Variants in ZDHHC14 observed in about 807,000 individuals in gnomAD.
ZDHHC14 encodes the protein zDHHC palmitoyltransferase 14.
In ZDHHC14, 16 loss-of-function variants were observed where a neutral mutation model predicts 47.7. That is an observed-to-expected ratio of 0.34 (90% CI 0.23 to 0.51). ZDHHC14 has a LOEUF of 0.51. Among genes scored for constraint, ZDHHC14 ranks in the 20% least tolerant of loss-of-function variants. ZDHHC14 has a pLI of 0.97. For missense variants in ZDHHC14, 515 were observed against 662.5 expected (o/e 0.78, Z 2.44); for synonymous variants, 293 against 278.9 (o/e 1.05, Z -0.50).
intron 1 of ZDHHC14, among the ~76,000 whole-genome samples, chr6:157,405,929 C>T (rs1777749795): frequency 6.6e-6 from 1 of 152,182 alleles, no homozygotes; most frequent in African/African-American, 2.4e-5. Flanking sequence ...ATGGGGAATT[C>T]TGGATGGTTA....
At chr6:157,543,845 T>C (rs1781862722) in intron 2 of ZDHHC14, among the ~76,000 whole-genome samples, 1 of 152,204 alleles carries the variant, frequency 6.6e-6, no homozygotes. Flanking sequence ...GCAGACAATC[T>C]CTTTCTTAGC....
chr6:157,605,689 C>T (rs1357108113), intron 3 of ZDHHC14, among the ~76,000 whole-genome samples: 1 of 152,148 alleles, frequency 6.6e-6, no homozygotes, highest in Non-Finnish European at 1.5e-5. Context: ...CAGCAGGTGA[C>T]AAGTCAGATT....
At chr6:157,532,179 T>C (rs542644225) in intron 1 of ZDHHC14, among the ~76,000 whole-genome samples, 1 of 152,326 alleles carries the variant, frequency 6.6e-6, no homozygotes, top group Non-Finnish European at 1.5e-5. Context: ...CCCCAGGGCC[T>C]TGGGATGGGA....
At chr6:157,416,713 G>A (rs1777980326) in intron 1 of ZDHHC14, among the ~76,000 whole-genome samples, 1 of 144,464 alleles carries the variant, frequency 6.9e-6, no homozygotes, top group African/African-American at 2.5e-5. Context: ...CGTAGTACAT[G>A]CTATGGTAAA....
chr6:157,630,765 A>T (rs1479737348), intron 4 of ZDHHC14: 1 of 149,182 alleles, frequency 6.7e-6, no homozygotes. Context: ...GCCCACACAC[A>T]CCCTTACACA....
At chr6:157,518,687 T>C (rs1039606907) in intron 1 of ZDHHC14, among the ~76,000 whole-genome samples, 14 of 140,538 alleles carry the variant, frequency 1.0e-4, no homozygotes, top group African/African-American at 3.6e-4. Flanking sequence ...ATTTTTCCAG[T>C]TGTTTCACGT....
chr6:157,389,632 A>G (rs1231686590), intron 1 of ZDHHC14, among the ~76,000 whole-genome samples: 2 of 152,256 alleles, frequency 1.3e-5, no homozygotes, highest in East Asian at 3.9e-4. Flanking sequence ...GTCTTAGGCT[A>G]TGTTTCTTTG....
intron 1 of ZDHHC14, among the ~76,000 whole-genome samples, chr6:157,508,290 C>T (rs74697843): frequency 0.026 from 3,940 of 152,212 alleles, 243 homozygotes; most frequent in Admixed American, 0.15. Flanking sequence ...TAATTTTCCT[C>T]CCCATTATTA....
intron 1 of ZDHHC14, among the ~76,000 whole-genome samples, chr6:157,496,954 T>A (rs958360173): frequency 6.6e-6 from 1 of 152,128 alleles, no homozygotes; most frequent in African/African-American, 2.4e-5. Context: ...GTGAACACAG[T>A]CACATGAAAT....
At chr6:157,611,270 G>A (rs1784740159) in intron 3 of ZDHHC14, among the ~76,000 whole-genome samples, 1 of 152,152 alleles carries the variant, frequency 6.6e-6, no homozygotes, top group African/African-American at 2.4e-5. Flanking sequence ...AAAGTGCTGG[G>A]ATTACAGTCA....
At chr6:157,410,163 C>T (rs1446665870) in intron 1 of ZDHHC14, among the ~76,000 whole-genome samples, 1 of 152,244 alleles carries the variant, frequency 6.6e-6, no homozygotes, top group Non-Finnish European at 1.5e-5. Context: ...ACTTCCCAGA[C>T]TGTCCTTTCC....
At chr6:157,545,208 G>C (rs1286700801) in intron 2 of ZDHHC14, among the ~76,000 whole-genome samples, 3 of 151,724 alleles carry the variant, frequency 2.0e-5, no homozygotes, top group African/African-American at 7.3e-5. Context: ...GGGTAGGAGT[G>C]CAGGTTAACT....
chr6:157,437,777 T>C lies in ZDHHC14; in HGVS notation c.245+55511T>C, dbSNP rs576787004. Among the ~76,000 whole-genome samples, 21 of 152,290 alleles carry C rather than the reference T, an allele frequency of 1.4e-4. No homozygotes were observed. In the South Asian group the frequency reaches 2.9e-3, roughly 21 times the overall value. On this transcript the variant is annotated intron_variant, in intron 1 of 8. Transcript: ENST00000359775. ...TATATTTAAAACCAAAAAATATAGC[T>C]CTATGTGTGCTGTGATTCATTCTTC...
Position 157,411,121 on chromosome 6 carries a change from C to T in ZDHHC14, c.245+28855C>T, listed in dbSNP as rs751933198. 3.2e-4 allele frequency among the ~76,000 whole-genome samples: 48 copies of T among 152,224 alleles called. No homozygotes were observed. The Middle Eastern group carries it at 0.017, about 54-fold the overall frequency. ...TGAATATGCCATTTTCTGGATCCCA[C>T]CTTAGATCGACTGAATCAGAATCCT... On this transcript the variant is annotated intron_variant, in intron 1 of 8. Coordinates refer to ENST00000359775, the MANE Select transcript of ZDHHC14 (RefSeq NM_024630.3).
At chr6:157,384,154 A>G (rs560766934) in intron 1 of ZDHHC14, among the ~76,000 whole-genome samples, 4 of 152,328 alleles carry the variant, frequency 2.6e-5, no homozygotes, top group South Asian at 4.1e-4. Context: ...TTAACTGTGG[A>G]GAAAATGGGT....
chr6:157,469,191 C>T (rs891629686), intron 1 of ZDHHC14, among the ~76,000 whole-genome samples: 3 of 152,172 alleles, frequency 2.0e-5, no homozygotes, highest in African/African-American at 7.2e-5. Flanking sequence ...GGCAAGAACT[C>T]AGGGCCCTAA....
chr6:157,409,087 A>G (rs1777822547), intron 1 of ZDHHC14, among the ~76,000 whole-genome samples: 1 of 152,258 alleles, frequency 6.6e-6, no homozygotes, highest in African/African-American at 2.4e-5. Context: ...CATTTGCTCG[A>G]TCGCTGTCAC....
chr6:157,532,140 G>C (rs530401180), intron 1 of ZDHHC14, among the ~76,000 whole-genome samples: 5 of 152,374 alleles, frequency 3.3e-5, no homozygotes, highest in Non-Finnish European at 7.3e-5. Flanking sequence ...CCACACCCCT[G>C]GGCCACCTCC....
At chr6:157,492,246 A>T (rs1779944515) in intron 1 of ZDHHC14, among the ~76,000 whole-genome samples, 1 of 130,960 alleles carries the variant, frequency 7.6e-6, no homozygotes, top group African/African-American at 3.0e-5. Context: ...CTCTGGAGTC[A>T]CCGTCCTGCC....
Sources: gnomAD v4.1 joint callset for allele counts (sites outside exome capture counted in the v4.1 genomes callset) on GRCh38, gnomAD v4.1.1 for gene constraint, MANE v1.5 for transcripts, NCBI Gene and HGNC (gene_info 2026-07-23, HGNC 2026-07-21) for gene names.